The following LRRC37A2 variants were observed in gnomAD, a reference collection of about 807,000 sequenced individuals.
The protein encoded by LRRC37A2 is leucine rich repeat containing 37 member A2.
In LRRC37A2, 9 loss-of-function variants were observed where a neutral mutation model predicts 68.8. The ratio of observed to expected loss-of-function variants is 0.13; its 90% confidence interval spans 0.08 to 0.23. LRRC37A2 has a LOEUF of 0.23. Among genes scored for constraint, LRRC37A2 ranks in the 10% least tolerant of loss-of-function variants. The pLI is 1.00. For synonymous variants in LRRC37A2, 63 were observed against 367.6 expected (o/e 0.17, Z 9.48); for missense variants, 168 against 950.4 (o/e 0.18, Z 10.82).
the LRRC37A2 span, among the ~76,000 whole-genome samples, chr17:46,982,940 G>GA: frequency 6.6e-6 from 1 of 152,218 alleles, no homozygotes; most frequent in Admixed American, 6.5e-5. Flanking sequence ...GGTGGTGCAG[G>GA]AAAGCTACAG....
chr17:46,404,879 A>AAAAT, the LRRC37A2 span, among the ~76,000 whole-genome samples: 677 of 90,982 alleles, frequency 7.4e-3, 99 homozygotes, highest in East Asian at 0.022. Flanking sequence ...CAAACAAATT[A>AAAAT]AAATAAATAA....
chr17:47,023,698 G>A, the LRRC37A2 span, among the ~76,000 whole-genome samples: 1 of 151,898 alleles, frequency 6.6e-6, no homozygotes, highest in Non-Finnish European at 1.5e-5. Flanking sequence ...GGGTTCAAGC[G>A]ATTCTCCTGC....
At chr17:46,454,302 G>T in the LRRC37A2 span, among the ~76,000 whole-genome samples, 1 of 95,396 alleles carries the variant, frequency 1.0e-5, no homozygotes, top group African/African-American at 3.9e-5. Flanking sequence ...TGTAGGAAAA[G>T]AATCAACAGT....
At chr17:46,918,565 T>G in the LRRC37A2 span, among the ~76,000 whole-genome samples, 4 of 151,334 alleles carry the variant, frequency 2.6e-5, no homozygotes, top group African/African-American at 9.7e-5. Context: ...ACAATTATTT[T>G]TGCACCAACC....
chr17:46,733,002 A>G, the LRRC37A2 span, among the ~76,000 whole-genome samples: 2 of 152,150 alleles, frequency 1.3e-5, no homozygotes, highest in Non-Finnish European at 2.9e-5. Context: ...AAAGCTAACA[A>G]TTGGCTTGGA....
the LRRC37A2 span, among the ~76,000 whole-genome samples, chr17:46,784,417 C>G: frequency 6.6e-6 from 1 of 151,938 alleles, no homozygotes; most frequent in Admixed American, 6.6e-5. Context: ...TTGTAAGGAG[C>G]TAAAAGTTGA....
the LRRC37A2 span, among the ~76,000 whole-genome samples, chr17:46,635,818 T>TGTGTGTGTGTGTGTGC: frequency 7.2e-6 from 1 of 138,448 alleles, no homozygotes; most frequent in African/African-American, 2.7e-5. Context: ...TGTGTGTGTG[T>TGTGTGTGTGTGTGTGC]GCTCGTGTGT....
chr17:46,954,375 G>C, the LRRC37A2 span, among the ~76,000 whole-genome samples: 1 of 152,164 alleles, frequency 6.6e-6, no homozygotes, highest in Non-Finnish European at 1.5e-5. Flanking sequence ...TGAGGGCTCT[G>C]TTCTGTTCCA....
the LRRC37A2 span, among the ~76,000 whole-genome samples, chr17:46,747,109 C>G: frequency 6.6e-6 from 1 of 152,104 alleles, no homozygotes; most frequent in Non-Finnish European, 1.5e-5. Context: ...TAGTGAAGCC[C>G]CCCGACACAG....
the LRRC37A2 span, among the ~76,000 whole-genome samples, chr17:47,037,324 C>T: frequency 6.6e-6 from 1 of 152,000 alleles, no homozygotes; most frequent in South Asian, 2.1e-4. Context: ...AGGCTGCTCT[C>T]GAACTCCTAA....
At chr17:46,796,279 A>G in the LRRC37A2 span, among the ~76,000 whole-genome samples, 12 of 152,392 alleles carry the variant, frequency 7.9e-5, no homozygotes, top group Non-Finnish European at 1.8e-4. Context: ...TAGTAGGTGC[A>G]CAATAAATGT....
chr17:46,875,184 A>G, the LRRC37A2 span: 5 of 1,613,946 alleles, frequency 3.1e-6, no homozygotes, highest in Non-Finnish European at 3.4e-6. Context: ...CGCTGGGCGC[A>G]TGGAGCGCTG....
the LRRC37A2 span, among the ~76,000 whole-genome samples, chr17:46,909,015 A>G: frequency 3.9e-5 from 6 of 152,316 alleles, no homozygotes; most frequent in African/African-American, 1.4e-4. Flanking sequence ...AGGAGCCTGC[A>G]GTCTCATCAG....
the LRRC37A2 span, among the ~76,000 whole-genome samples, chr17:46,810,287 C>T: frequency 1.3e-5 from 2 of 152,052 alleles, no homozygotes; most frequent in Non-Finnish European, 2.9e-5. Context: ...GGATTACAGG[C>T]GTAAGCCCCA....
the LRRC37A2 span, among the ~76,000 whole-genome samples, chr17:46,862,088 G>T: frequency 6.6e-6 from 1 of 151,418 alleles, no homozygotes; most frequent in African/African-American, 2.4e-5. Context: ...GCTTGAACCT[G>T]GGAGGCGGAG....
chr17:47,036,717 G>A, the LRRC37A2 span, among the ~76,000 whole-genome samples: 1 of 150,596 alleles, frequency 6.6e-6, no homozygotes. Context: ...CCACATTCCA[G>A]TATCACACTG....
chr17:46,974,724 ACTCT>A, the LRRC37A2 span, among the ~76,000 whole-genome samples: 3 of 109,026 alleles, frequency 2.8e-5, no homozygotes, highest in Admixed American at 1.0e-4. Context: ...ACAGAGCAAG[ACTCT>A]CTCTCAAAAA....
the LRRC37A2 span, among the ~76,000 whole-genome samples, chr17:46,877,514 C>G: frequency 2.6e-5 from 4 of 152,222 alleles, no homozygotes; most frequent in Non-Finnish European, 5.9e-5. Flanking sequence ...AGGCGGGACT[C>G]AGTGCACCTG....
chr17:46,530,471 C>A (rs2053531109), intron 6 of LRRC37A2, among the ~76,000 whole-genome samples: 1 of 135,744 alleles, frequency 7.4e-6, no homozygotes, highest in South Asian at 2.4e-4. Context: ...AGGGGGATCA[C>A]AAGGCAGGAC....
Sources: gnomAD v4.1 joint callset for allele counts (sites outside exome capture counted in the v4.1 genomes callset) on GRCh38, gnomAD v4.1.1 for gene constraint, MANE v1.5 for transcripts, NCBI Gene and HGNC (gene_info 2026-07-23, HGNC 2026-07-21) for gene names.